Variants in PRRC2C observed in about 807,000 individuals in gnomAD.
The protein encoded by PRRC2C is proline rich coiled-coil 2C.
In PRRC2C, 72 loss-of-function variants were observed where a neutral mutation model predicts 317.2. The observed-to-expected ratio is 0.23, with a 90% CI of 0.19 to 0.28. The LOEUF (loss-of-function observed/expected upper bound fraction) is 0.28, where lower values mean the gene tolerates loss of function less well. PRRC2C is among the 10% of genes least tolerant of loss of function. The pLI, the probability that PRRC2C is intolerant of heterozygous loss-of-function variation, is 1.00. For missense variants in PRRC2C, 3,074 were observed against 3,459.7 expected, an observed-to-expected ratio of 0.89 and a Z score of 2.80; for synonymous variants, 1,296 against 1,205.9, an observed-to-expected ratio of 1.07 and a Z score of -1.55.
intron 20 of PRRC2C, among the ~76,000 whole-genome samples, chr1:171,562,120 G>C (rs538202512): frequency 3.3e-4 from 50 of 152,320 alleles, no homozygotes; most frequent in Admixed American, 3.1e-3. Flanking sequence ...AGCCTACTTA[G>C]ATAATGCTTG....
intron 20 of PRRC2C, among the ~76,000 whole-genome samples, chr1:171,564,253 GA>G (rs1287117724): frequency 6.6e-6 from 1 of 152,080 alleles, no homozygotes; most frequent in East Asian, 1.9e-4. Context: ...GCCTTACAAA[GA>G]CTTGATATTA....
chr1:171,589,074 A>C (rs1159821753), intron 33 of PRRC2C, among the ~76,000 whole-genome samples: 1 of 152,192 alleles, frequency 6.6e-6, no homozygotes, highest in African/African-American at 2.4e-5. Context: ...CTACCTTTTG[A>C]AAAGATAGCC....
At chr1:171,587,843 C>A in intron 32 of PRRC2C, 92 bp downstream of exon 32, 1 of 742,160 alleles carries the variant, frequency 1.3e-6, no homozygotes, top group Non-Finnish European at 2.2e-6. Context: ...ATCCCTTTTC[C>A]AAGCAGAAAA....
Position 171,545,626 on chromosome 1 carries a change from C to A in PRRC2C, c.4911C>A (p.Gly1637=). 1 of 1,612,814 alleles carries A rather than the reference C, an allele frequency of 6.2e-7. No individual in the cohort carries two copies. The highest frequency in any genetic ancestry group is 8.5e-7 in the Non-Finnish European group (1 of 1,179,396). Residue 1637 remains glycine (G), a synonymous_variant, in exon 17 of 35, where the codon GGC becomes GGA. Coordinates refer to ENST00000647382, the MANE Select transcript of PRRC2C (RefSeq NM_001387844.1). ...AAAAAAGAGAAGACCCCAAACCAGG[C>A]CCTAAAAAACCAAAAGAGAAAGTGG... ...TGKKREDPKP[G]PKKPKEKVDA...
chr1:171,550,387 T>G (rs1679957540), intron 18 of PRRC2C, 147 bp downstream of exon 18: 2 of 682,126 alleles, frequency 2.9e-6, no homozygotes, highest in Non-Finnish European at 2.2e-6. Flanking sequence ...TTTTAATCAT[T>G]TTGACCAGAA....
intron 6 of PRRC2C, among the ~76,000 whole-genome samples, chr1:171,518,323 A>G (rs1279998722): frequency 6.6e-6 from 1 of 152,132 alleles, no homozygotes; most frequent in East Asian, 1.9e-4. Flanking sequence ...TGTATTTTAC[A>G]TTATGCATTT....
intron 12 of PRRC2C, among the ~76,000 whole-genome samples, chr1:171,533,586 C>T (rs1676261932): frequency 6.6e-6 from 1 of 151,968 alleles, no homozygotes; most frequent in Admixed American, 6.6e-5. Context: ...AGTTAAAGTT[C>T]AGGGTTTTCG....
intron 16 of PRRC2C, among the ~76,000 whole-genome samples, chr1:171,542,860 A>G (rs1351253097): frequency 1.3e-5 from 2 of 151,936 alleles, no homozygotes; most frequent in Admixed American, 6.6e-5. Context: ...TCCAGGGTTC[A>G]TGCCATTCTC....
chr1:171,533,035 A>C, intron 12 of PRRC2C, 74 bp downstream of exon 12: 1 of 1,329,758 alleles, frequency 7.5e-7, no homozygotes, highest in Non-Finnish European at 1.0e-6. Flanking sequence ...TGGGGTTTGT[A>C]TATTTTAAAT....
In PRRC2C at chr1:171,524,855, G is replaced by A. The variant is rs528940929; in HGVS notation, c.1090G>A (p.Glu364Lys). ...DQGSKASENN[E>K]NKKETDEVSN... Reference sequence around the variant, plus strand: ...AGGTTCAAAAGCCTCTGAAAACAACGAAAACAAAAAAGAAACAGATGAAGT... The same window carrying A: ...AGGTTCAAAAGCCTCTGAAAACAACAAAAACAAAAAAGAAACAGATGAAGT... Residue 364 changes from glutamate to lysine, a missense_variant, in exon 10 of 35, where the codon GAA (glutamate) becomes AAA (lysine). This residue lies in a region of PRRC2C where 1,320 missense variants were observed against 1,395.7 expected (regional missense o/e 0.95). Transcript: ENST00000647382. The A allele has an allele frequency of 7.6e-6, 12 of 1,587,300 alleles. No individual in the cohort carries two copies. Among genetic ancestry groups the A allele is most frequent in the South Asian group, 4.6e-5 (4 of 86,962 alleles).
chr1:171,519,204 A>C (rs1257073932), intron 6 of PRRC2C, among the ~76,000 whole-genome samples: 2 of 152,206 alleles, frequency 1.3e-5, no homozygotes, highest in Non-Finnish European at 2.9e-5. Flanking sequence ...ACTTTGGATT[A>C]CTAAAGCAAA....
intron 6 of PRRC2C, among the ~76,000 whole-genome samples, chr1:171,518,648 C>T (rs1447706495): frequency 7.0e-6 from 1 of 142,540 alleles, no homozygotes; most frequent in Non-Finnish European, 1.5e-5. Context: ...CAGGCATATG[C>T]CACCACACCT....
chr1:171,587,977 CT>C (rs1263525090), intron 32 of PRRC2C, among the ~76,000 whole-genome samples: 2 of 151,604 alleles, frequency 1.3e-5, no homozygotes, highest in Non-Finnish European at 2.9e-5. Flanking sequence ...ACCTTTTTTT[CT>C]TTTATTTTTT....
chr1:171,568,364 CAAGTTT>C, intron 23 of PRRC2C, 25 bp downstream of exon 23: 1 of 1,575,360 alleles, frequency 6.3e-7, no homozygotes. Flanking sequence ...TGAGATGTGG[CAAGTTT>C]GGATTGGAAC....
intron 16 of PRRC2C, among the ~76,000 whole-genome samples, chr1:171,542,722 A>G (rs543344634): frequency 1.3e-5 from 2 of 152,108 alleles, no homozygotes; most frequent in African/African-American, 2.4e-5. Flanking sequence ...GGATTTTTTT[A>G]AAAAAATATT....
Position 171,591,791 on chromosome 1 carries a change from G to C in PRRC2C, c.8641G>C (p.Val2881Leu). The change falls in exon 35 of 35, where the codon GTT becomes CTT. Residue 2881 changes from valine (V) to leucine (L), a missense_variant. By Grantham distance (32) the Val-to-Leu change is conservative (BLOSUM62 1). Transcript: ENST00000647382. ...TGCACCCTCCATAGCCACCAAACCT[G>C]TTAGAACTGGACCAATCAAACCTCA... ...PPAPSIATKPVRTGPIKPQAI... is the reference protein window; with the variant it reads ...PPAPSIATKPLRTGPIKPQAI... The C allele has an allele frequency of 5.8e-6, 9 of 1,542,774 alleles. No individual in the cohort carries two copies. The highest frequency in any genetic ancestry group is 7.9e-6 in the Non-Finnish European group (9 of 1,135,932).
chr1:171,547,712 C>T (rs1679421798), intron 17 of PRRC2C, among the ~76,000 whole-genome samples: 1 of 141,736 alleles, frequency 7.1e-6, no homozygotes, highest in Non-Finnish European at 1.5e-5. Context: ...GGTGTAATCT[C>T]AGCTCACTGC....
intron 9 of PRRC2C, among the ~76,000 whole-genome samples, chr1:171,524,450 G>A (rs1237922633): frequency 1.3e-5 from 2 of 152,164 alleles, no homozygotes; most frequent in East Asian, 3.8e-4. Flanking sequence ...AAAAAATACT[G>A]TAGTTTGATT....
intron 1 of PRRC2C, among the ~76,000 whole-genome samples, chr1:171,499,039 G>A (rs1325387236): frequency 6.6e-6 from 1 of 152,098 alleles, no homozygotes; most frequent in African/African-American, 2.4e-5. Flanking sequence ...GGAGCTCCTG[G>A]GCTCAAGCAT....
Sources: gnomAD v4.1 joint callset for allele counts (sites outside exome capture counted in the v4.1 genomes callset) on GRCh38, gnomAD v4.1.1 for gene constraint, gnomAD v4.1.1 regional missense constraint, MANE v1.5 for transcripts, NCBI Gene and HGNC (gene_info 2026-07-23, HGNC 2026-07-21) for gene names.